Variants in ZNF704 observed in about 807,000 individuals in gnomAD.
The protein encoded by ZNF704 is zinc finger protein 704.
ZNF704 carries 10 observed loss-of-function variants against 44.7 expected under a neutral mutation model. The ratio of observed to expected loss-of-function variants is 0.22; its 90% CI spans 0.14 to 0.38. ZNF704 has a LOEUF of 0.38. Ranked by LOEUF, ZNF704 falls within the 10% of genes least tolerant of loss-of-function variation. The pLI, the probability that ZNF704 is intolerant of heterozygous loss-of-function variation, is 1.00. For synonymous variants in ZNF704, 211 were observed against 207.6 expected (o/e 1.02, Z -0.14); for missense variants, 390 against 545.5 (o/e 0.71, Z 2.84).
At chr8:80,713,563 A>G (rs994016245) in intron 2 of ZNF704, among the ~76,000 whole-genome samples, 1 of 152,198 alleles carries the variant, frequency 6.6e-6, no homozygotes, top group Non-Finnish European at 1.5e-5. Context: ...AATTCGTATC[A>G]GGCAACTTGA....
intron 2 of ZNF704, among the ~76,000 whole-genome samples, chr8:80,774,590 C>G (rs116646107): frequency 0.013 from 1,947 of 152,162 alleles, 44 homozygotes; most frequent in African/African-American, 0.044. Context: ...TAATTACTGC[C>G]CAGGGGGGAT....
intron 2 of ZNF704, among the ~76,000 whole-genome samples, chr8:80,782,669 G>C (rs997135592): frequency 6.6e-6 from 1 of 152,124 alleles, no homozygotes; most frequent in African/African-American, 2.4e-5. Context: ...GACGACCAGG[G>C]TAAGAAAGAG....
intron 2 of ZNF704, among the ~76,000 whole-genome samples, chr8:80,781,625 T>C (rs1482234156): frequency 6.6e-6 from 1 of 152,186 alleles, no homozygotes; most frequent in African/African-American, 2.4e-5. Context: ...GCCAGTGACA[T>C]GTCACGAACC....
chr8:80,814,477 G>C (rs567997239), intron 2 of ZNF704, among the ~76,000 whole-genome samples: 1 of 152,268 alleles, frequency 6.6e-6, no homozygotes, highest in South Asian at 2.1e-4. Context: ...CAAGAAACCA[G>C]AGACAACAGT....
At chr8:80,694,756 C>T (rs77736117) in intron 2 of ZNF704, among the ~76,000 whole-genome samples, 2,166 of 152,300 alleles carry the variant, frequency 0.014, 56 homozygotes, top group African/African-American at 0.046. Context: ...ACCCATGATA[C>T]TAAATTGTTA....
In ZNF704 at chr8:80,630,975, G is replaced by T. The variant is rs1817574478; in HGVS notation, c.*10391C>A. ...GAAGTCATGGGACTAGTATGTTTTG[G>T]AGATTTTTTAGTTCTTCCCTAAAAA... On this transcript the variant is annotated 3_prime_UTR_variant, in exon 9 of 9. Transcript: ENST00000327835. 6.6e-6 allele frequency: 1 copy of T among 152,048 alleles called. No individual in the cohort carries two copies. Among genetic ancestry groups the T allele is most frequent in the African/African-American group, 2.4e-5 (1 of 41,394 alleles). 9.4% of individuals were successfully genotyped at this position (152,048 alleles called of 1,614,324 possible).
At chr8:80,694,985 C>G (rs1818702990) in intron 2 of ZNF704, among the ~76,000 whole-genome samples, 1 of 148,296 alleles carries the variant, frequency 6.7e-6, no homozygotes, top group African/African-American at 2.6e-5. Flanking sequence ...AAGACAACCT[C>G]ATACACTTAG....
chr8:80,649,059 T>C (rs1817874660), intron 7 of ZNF704, among the ~76,000 whole-genome samples: 1 of 152,240 alleles, frequency 6.6e-6, no homozygotes, highest in Non-Finnish European at 1.5e-5. Flanking sequence ...TTTTGTAGCA[T>C]GTTTTATAAA....
chr8:80,800,599 A>G (rs1180723576), intron 2 of ZNF704, among the ~76,000 whole-genome samples: 1 of 152,174 alleles, frequency 6.6e-6, no homozygotes, highest in African/African-American at 2.4e-5. Context: ...TCCTTTTCAG[A>G]CAAGCAAATG....
chr8:80,639,076 CT>C lies in ZNF704; in HGVS notation c.*2289del, dbSNP rs1817703557. On this transcript the variant is annotated 3_prime_UTR_variant, in exon 9 of 9. Transcript: ENST00000327835. ...ACTGCTCCATAGCAAAGATCTCTCCCTCCTTGTGTTTCAAAGTTCTGGGATG... is the reference window on the plus strand; with the variant it reads ...ACTGCTCCATAGCAAAGATCTCTCCCCCTTGTGTTTCAAAGTTCTGGGATG... 6.6e-6 allele frequency: 1 copy of C among 152,318 alleles called. No homozygotes were observed. Among genetic ancestry groups the C allele is most frequent in the Non-Finnish European group, 1.5e-5 (1 of 68,132 alleles). 9.4% of individuals were successfully genotyped at this position (152,318 alleles called of 1,614,324 possible). A position where few individuals can be genotyped will look rare whatever the true frequency, so the allele number is the denominator to read the frequency against.
chr8:80,676,050 A>C (rs1202455098), intron 4 of ZNF704, among the ~76,000 whole-genome samples: 1 of 152,176 alleles, frequency 6.6e-6, no homozygotes, highest in Non-Finnish European at 1.5e-5. Flanking sequence ...GTGTCTTAGG[A>C]AGGAAGATGT....
intron 1 of ZNF704, among the ~76,000 whole-genome samples, chr8:80,872,758 G>A (rs182736072): frequency 1.5e-4 from 23 of 152,250 alleles, no homozygotes; most frequent in African/African-American, 5.5e-4. Context: ...AAATCTCTCG[G>A]CGCTTCAGTG....
At chr8:80,840,840 T>A (rs1808666183) in intron 1 of ZNF704, among the ~76,000 whole-genome samples, 1 of 152,248 alleles carries the variant, frequency 6.6e-6, no homozygotes, top group African/African-American at 2.4e-5. Flanking sequence ...TAAACAGTAC[T>A]AAACACAATT....
intron 1 of ZNF704, among the ~76,000 whole-genome samples, chr8:80,841,420 T>C (rs1024461457): frequency 6.6e-6 from 1 of 152,086 alleles, no homozygotes; most frequent in Non-Finnish European, 1.5e-5. Context: ...CTTTGCAGCC[T>C]CCTCTGTCTG....
chr8:80,728,266 A>G (rs539812727), intron 2 of ZNF704, among the ~76,000 whole-genome samples: 2 of 152,328 alleles, frequency 1.3e-5, no homozygotes, highest in Non-Finnish European at 2.9e-5. Context: ...AATTTGCCTC[A>G]GGTCAGAGCT....
In ZNF704 at chr8:80,750,324, C is replaced by T. The variant is rs183503604; in HGVS notation, c.222-57217G>A. ...CTCAATAAAAACACAATGCAAGTCA[C>T]ATATGTAATTCTGAATTTCCTGGTA... On this transcript the variant is annotated intron_variant, in intron 2 of 8. Coordinates refer to ENST00000327835, the MANE Select transcript of ZNF704 (RefSeq NM_001033723.3). 6.1e-5 allele frequency among the ~76,000 whole-genome samples: 9 copies of T among 147,480 alleles called. No individual in the cohort carries two copies. The South Asian group carries it at 8.7e-4, about 14-fold the overall frequency.
intron 1 of ZNF704, among the ~76,000 whole-genome samples, chr8:80,862,291 A>G (rs567960857): frequency 6.6e-6 from 1 of 152,268 alleles, no homozygotes; most frequent in African/African-American, 2.4e-5. Context: ...ACAAACAATG[A>G]AAACTATATC....
At chr8:80,870,499 A>C (rs1051277322) in intron 1 of ZNF704, among the ~76,000 whole-genome samples, 1 of 152,048 alleles carries the variant, frequency 6.6e-6, no homozygotes, top group South Asian at 2.1e-4. Flanking sequence ...CCAAATGAAC[A>C]TCTCTCTCTC....
At chr8:80,878,646 A>G (rs536811729), upstream of ZNF704, among the ~76,000 whole-genome samples, 1 of 152,344 alleles carries the variant, frequency 6.6e-6, no homozygotes, top group African/African-American at 2.4e-5. Flanking sequence ...ACCGTATGAA[A>G]AATAGATTAA....
Sources: gnomAD v4.1 joint callset for allele counts (sites outside exome capture counted in the v4.1 genomes callset) on GRCh38, gnomAD v4.1.1 for gene constraint, MANE v1.5 for transcripts, NCBI Gene and HGNC (gene_info 2026-07-23, HGNC 2026-07-21) for gene names.